Variants in SLC4A2 observed in about 807,000 individuals in gnomAD.
The protein encoded by SLC4A2 is solute carrier family 4 member 2, also known as anion exchange protein 2.
Under a neutral mutation model 115.0 loss-of-function variants are expected in SLC4A2, and 36 were observed. The observed-to-expected ratio is 0.31, with a 90% confidence interval of 0.24 to 0.41. The LOEUF (loss-of-function observed/expected upper bound fraction) is 0.41. Ranked by LOEUF, SLC4A2 falls within the 10% of genes least tolerant of loss-of-function variation. The probability of loss-of-function intolerance (pLI) is 1.00; values close to 1 mark genes in which losing one functional copy is unlikely to be tolerated. For missense variants in SLC4A2, 1,252 were observed against 1,705.6 expected, an observed-to-expected ratio of 0.73 and a Z score of 4.68; for synonymous variants, 708 against 708.3, an observed-to-expected ratio of 1.00 and a Z score of 0.01.
At chr7:151,063,191 TGGG>T in intron 2 of SLC4A2, 1 of 63,956 alleles carries the variant, frequency 1.6e-5, no homozygotes, top group Non-Finnish European at 2.2e-5. Flanking sequence ...ATGACTCAGG[TGGG>T]GGCTGTGGGG....
At position 151,075,612 on chromosome 7, in the gene SLC4A2, C is replaced by T; in HGVS notation, c.3308C>T (p.Ser1103Phe). 1 of 1,592,496 alleles carries T rather than the reference C, an allele frequency of 6.3e-7. No individual in the cohort carries two copies. The highest frequency in any genetic ancestry group is 8.5e-7 in the Non-Finnish European group (1 of 1,172,846). ...GLLVALLVGLSIVIGDLLRQI... is the reference protein window; with the variant it reads ...GLLVALLVGLFIVIGDLLRQI... ...TCTCCTGCGCCTCCCGTAGGCCTCT[C>T]CATAGTTATCGGGGATCTGCTCCGG... is the stretch of plus-strand genomic sequence containing the variant. Residue 1103 changes from serine (S) to phenylalanine (F), a missense_variant, in exon 21 of 23, where the codon TCC (serine) becomes TTC (phenylalanine). Ser to Phe is a radical substitution (Grantham distance 155). This residue lies in a region of SLC4A2 where 253 missense variants were observed against 407.4 expected (regional missense o/e 0.62). Transcript: ENST00000413384.
chr7:151,070,591 T>C lies in SLC4A2; in HGVS notation c.1564+20T>C, dbSNP rs1490098806. On this transcript the variant is annotated intron_variant, in intron 11 of 22. Coordinates refer to ENST00000413384, the MANE Select transcript of SLC4A2 (RefSeq NM_003040.4). Reference sequence around the variant, plus strand: ...TTGTGGGTATGTGGGGCAGGTCACATGTAGGGGGCTTGGTGGCCAGGCCTT... The same window carrying C: ...TTGTGGGTATGTGGGGCAGGTCACACGTAGGGGGCTTGGTGGCCAGGCCTT... The C allele has an allele frequency of 6.2e-7, 1 of 1,608,566 alleles. No homozygotes were observed. The highest frequency in any genetic ancestry group is 1.1e-5 in the South Asian group (1 of 90,730).
Position 151,076,382 on chromosome 7 carries a change from C to T in SLC4A2, c.*15C>T. 6.7e-7 allele frequency: 1 copy of T among 1,485,674 alleles called. No individual in the cohort carries two copies. The highest frequency in any genetic ancestry group is 9.0e-7 in the Non-Finnish European group (1 of 1,117,028). 92.0% of individuals were successfully genotyped at this position (1,485,674 alleles called of 1,614,324 possible). ...TGCCTGTGTAGCCGCCACCGAGGGA[C>T]AGCCGAGGGACCGATGGACGAGGGG... is the stretch of plus-strand genomic sequence containing the variant. On this transcript the variant is annotated 3_prime_UTR_variant, in exon 23 of 23. Transcript: ENST00000413384.
rs144338125 is a variant in SLC4A2, at chr7:151,062,037, C to T, written c.50C>T (p.Thr17Met). Residue 17 changes from threonine (T) to methionine (M), a missense_variant and splice_region_variant, in exon 2 of 23, where the codon ACG (threonine) becomes ATG (methionine). Coordinates refer to ENST00000413384, the MANE Select transcript of SLC4A2 (RefSeq NM_003040.4). The stretch of plus-strand genomic sequence containing the variant: ...GCCAAGGGCGCAGATTCTTTCTGTA[C>T]GGTGAGTGTGGCCCCCAGGTCGCCA... Reference protein sequence around the residue: ...RPAKGADSFCTPEPESLGPGT... With the variant: ...RPAKGADSFCMPEPESLGPGT... 19 of 1,610,174 alleles carry T rather than the reference C, an allele frequency of 1.2e-5. No homozygotes were observed. Among genetic ancestry groups the T allele is most frequent in the East Asian group, 8.9e-5 (4 of 44,872 alleles).
At chr7:151,062,532 G>A (rs1481372456) in intron 2 of SLC4A2, 4 of 1,387,450 alleles carry the variant, frequency 2.9e-6, no homozygotes, top group Non-Finnish European at 3.7e-6. Context: ...TTAACCCCGT[G>A]CCACAATCAG....
In SLC4A2 at chr7:151,070,714, C is replaced by T. The variant is rs1797406842; in HGVS notation, c.1565-13C>T. 2 of 1,611,936 alleles carry T rather than the reference C, an allele frequency of 1.2e-6. No homozygotes were observed. Among genetic ancestry groups the T allele is most frequent in the African/African-American group, 2.7e-5 (2 of 74,898 alleles). ...CTGCTCTGCTCTTGCCCACGATGGT[C>T]CCACGCCCCTAGGCTGCGTGGAGTT... On this transcript the variant is annotated splice_polypyrimidine_tract_variant and intron_variant, in intron 11 of 22. Transcript: ENST00000413384.
At chr7:151,073,488 C>T (rs1344341381) in intron 16 of SLC4A2, among the ~76,000 whole-genome samples, 1 of 151,272 alleles carries the variant, frequency 6.6e-6, no homozygotes, top group Non-Finnish European at 1.5e-5. Flanking sequence ...AGGCTGGTTT[C>T]GAACTCCTGA....
chr7:151,061,918 C>T lies in SLC4A2; in HGVS notation c.-63-7C>T, dbSNP rs1044448402. The T allele has an allele frequency of 7.0e-7, 1 of 1,422,506 alleles. No homozygotes were observed. 88.1% of individuals were successfully genotyped at this position (1,422,506 alleles called of 1,614,324 possible). A position where few individuals can be genotyped will look rare whatever the true frequency, so the allele number is the denominator to read the frequency against. On this transcript the variant is annotated splice_polypyrimidine_tract_variant and splice_region_variant and intron_variant, in intron 1 of 22. Coordinates refer to ENST00000413384, the MANE Select transcript of SLC4A2 (RefSeq NM_003040.4). ...CTCGATGGTGATCAGGCCTCTCCCC[C>T]ATCCAGGTTATGCCTCCGCCTCGTT... is the stretch of plus-strand genomic sequence containing the variant.
chr7:151,076,294 C>G lies in SLC4A2; in HGVS notation c.3653C>G (p.Ala1218Gly). Residue 1218 changes from alanine (A) to glycine (G), a missense_variant, in exon 23 of 23, where the codon GCT becomes GGT. By Grantham distance (60) the Ala-to-Gly change is moderately conservative (BLOSUM62 0). Coordinates refer to ENST00000413384, the MANE Select transcript of SLC4A2 (RefSeq NM_003040.4). ...FTDREMKCLD[A>G]NEAEPVFDER... Reference sequence around the variant, plus strand: ...CCACCTCCCCACACACAGCTGGATGCTAACGAGGCAGAGCCGGTGTTTGAT... The same window carrying G: ...CCACCTCCCCACACACAGCTGGATGGTAACGAGGCAGAGCCGGTGTTTGAT... 6.4e-7 allele frequency: 1 copy of G among 1,559,310 alleles called. No individual in the cohort carries two copies. Among genetic ancestry groups the G allele is most frequent in the Non-Finnish European group, 8.7e-7 (1 of 1,150,204 alleles).
At chr7:151,069,859 C>T in intron 8 of SLC4A2, 88 bp from the exon 9 acceptor site, 3 of 1,542,296 alleles carry the variant, frequency 1.9e-6, no homozygotes, top group Admixed American at 3.4e-5. Context: ...CACCCACCCA[C>T]CTGTCCCCAG....
intron 21 of SLC4A2, 103 bp downstream of exon 21, chr7:151,075,878 C>T: frequency 7.1e-7 from 1 of 1,404,758 alleles, no homozygotes; most frequent in East Asian, 2.3e-5. Context: ...GTTCAGCCAG[C>T]CCCCACCTCC....
rs1183491903 is a variant in SLC4A2 at position 151,060,845 on chromosome 7, ATTGT to A, written c.-63-1076_-63-1073del. The stretch of plus-strand genomic sequence containing the variant: ...TCCTGGGTGACCCCCCCAGACCTAT[ATTGT>A]TTGACGCTACACTGACTTGTCTTAC... On this transcript the variant is annotated intron_variant, in intron 1 of 22. Coordinates refer to ENST00000413384, the MANE Select transcript of SLC4A2 (RefSeq NM_003040.4). This position sits in a 1 kb window ranked among gnomAD's most constrained non-coding sequence, Gnocchi z 5.9. Among the ~76,000 whole-genome samples the A allele has an allele frequency of 2.0e-5, 3 of 152,004 alleles. No individual in the cohort carries two copies. Among genetic ancestry groups the A allele is most frequent in the Non-Finnish European group, 2.9e-5 (2 of 67,976 alleles).
intron 3 of SLC4A2, 38 bp from the exon 4 acceptor site, chr7:151,064,488 C>A: frequency 6.3e-7 from 1 of 1,590,656 alleles, no homozygotes. Flanking sequence ...GGGAGGGACA[C>A]TGTGCCTGCC....
At chr7:151,067,486 T>C (rs1797274187) in intron 7 of SLC4A2, among the ~76,000 whole-genome samples, 1 of 152,206 alleles carries the variant, frequency 6.6e-6, no homozygotes, top group South Asian at 2.1e-4. Context: ...ATACTCCCCA[T>C]GGTGGATGTC....
chr7:151,060,614 T>G lies in SLC4A2; in HGVS notation c.-64+852T>G, dbSNP rs928488083. On this transcript the variant is annotated intron_variant, in intron 1 of 22. Transcript: ENST00000413384. The surrounding 1 kb of genome is among the most constrained non-coding windows in gnomAD (Gnocchi z 5.9). ...GCAGGGGAGGGGGTGCAGAGGAGTG[T>G]GGAGGAGCGCGACGAGGGCACAGCC... Among the ~76,000 whole-genome samples, 56 of 151,984 alleles carry G rather than the reference T, an allele frequency of 3.7e-4. No homozygotes were observed. The highest frequency in any genetic ancestry group is 1.3e-3 in the African/African-American group (55 of 41,356).
chr7:151,064,129 T>TG, intron 2 of SLC4A2, 73 bp from the exon 3 acceptor site: 3 of 1,521,240 alleles, frequency 2.0e-6, no homozygotes, highest in Non-Finnish European at 2.7e-6. Context: ...TCTCTGGCAC[T>TG]GGGAAGGGTG....
At position 151,064,845 on chromosome 7, in the gene SLC4A2, C is replaced by T. The variant is rs80190805; in HGVS notation, c.460-3C>T. On this transcript the variant is annotated splice_polypyrimidine_tract_variant and splice_region_variant and intron_variant, in intron 4 of 22. Transcript: ENST00000413384. ...CTCCTGCCCATGTGGGTCCCTGTTACAGTTCTTTCTCCAAGAGGATGACAG... is the reference window on the plus strand; with the variant it reads ...CTCCTGCCCATGTGGGTCCCTGTTATAGTTCTTTCTCCAAGAGGATGACAG... The T allele has an allele frequency of 1.2e-6, 2 of 1,613,854 alleles. No individual in the cohort carries two copies. Among genetic ancestry groups the T allele is most frequent in the East Asian group, 2.2e-5 (1 of 44,876 alleles).
rs1228402651 is a variant in SLC4A2, at chr7:151,060,703, G to A, written c.-64+941G>A. Among the ~76,000 whole-genome samples, 1 of 152,132 alleles carries A rather than the reference G, an allele frequency of 6.6e-6. No homozygotes were observed. Among genetic ancestry groups the A allele is most frequent in the Non-Finnish European group, 1.5e-5 (1 of 68,014 alleles). On this transcript the variant is annotated intron_variant, in intron 1 of 22. Transcript: ENST00000413384. This position sits in a 1 kb window ranked among gnomAD's most constrained non-coding sequence, Gnocchi z 5.9. Reference sequence around the variant, plus strand: ...CTCTCCCCACACCCTTCCCAGACTGGGTGCACTCACGCTCACCCACACCAC... The same window carrying A: ...CTCTCCCCACACCCTTCCCAGACTGAGTGCACTCACGCTCACCCACACCAC...
rs1353493677 is a variant in SLC4A2, at chr7:151,070,820, T to C, written c.1658T>C (p.Val553Ala). 6.2e-7 allele frequency: 1 copy of C among 1,614,030 alleles called. No individual in the cohort carries two copies. Among genetic ancestry groups the C allele is most frequent in the East Asian group, 2.2e-5 (1 of 44,870 alleles). The change falls in exon 12 of 23, where the codon GTG (valine) becomes GCG (alanine). Residue 553 changes from valine to alanine, a missense_variant. By Grantham distance (64) the Val-to-Ala change is moderately conservative. Coordinates refer to ENST00000413384, the MANE Select transcript of SLC4A2 (RefSeq NM_003040.4). ...GCAGTGTTGGAGGTGCCGGTGCCTG[T>C]GCGTTTCCTCTTCCTGCTGCTGGGC... ...LDAVLEVPVP[V>A]RFLFLLLGPS...
Sources: allele counts gnomAD v4.1 joint callset (sites outside exome capture counted in the v4.1 genomes callset), GRCh38; gene constraint gnomAD v4.1.1; regional missense constraint gnomAD v4.1.1; non-coding constraint Gnocchi (gnomAD v3.1); transcripts MANE v1.5; gene names NCBI Gene and HGNC (gene_info 2026-07-23, HGNC 2026-07-21).